Variants in NDUFAF2 observed in about 807,000 individuals in gnomAD.
NDUFAF2 encodes the protein NADH dehydrogenase [ubiquinone] 1 alpha subcomplex assembly factor 2.
A neutral mutation model predicts 22.8 loss-of-function variants in NDUFAF2; 13 were observed. The observed-to-expected ratio is 0.57, with a 90% CI of 0.37 to 0.91. The LOEUF (loss-of-function observed/expected upper bound fraction) is 0.91. Ranked by LOEUF, NDUFAF2 falls within the 40% of genes least tolerant of loss-of-function variation. NDUFAF2 has a pLI of 0.01. For missense variants in NDUFAF2, 162 were observed against 195.2 expected (o/e 0.83, Z 1.01); for synonymous variants, 53 against 64.2 (o/e 0.83, Z 0.84).
At chr5:61,035,786 A>G (rs1751793146) in intron 1 of NDUFAF2, among the ~76,000 whole-genome samples, 1 of 152,042 alleles carries the variant, frequency 6.6e-6, no homozygotes. Context: ...ATAATAAATT[A>G]TTAAGATATT....
At chr5:61,044,012 A>G (rs1214730758) in intron 1 of NDUFAF2, among the ~76,000 whole-genome samples, 1 of 152,036 alleles carries the variant, frequency 6.6e-6, no homozygotes, top group Non-Finnish European at 1.5e-5. Context: ...CCTTGCCAAC[A>G]CTTGTTATCT....
At chr5:61,140,323 C>G (rs554075361) in intron 3 of NDUFAF2, among the ~76,000 whole-genome samples, 9 of 152,322 alleles carry the variant, frequency 5.9e-5, no homozygotes, top group African/African-American at 1.9e-4. Flanking sequence ...TGTCTTGGTT[C>G]CTGCCCTAAT....
At chr5:61,097,836 C>T (rs561605721) in intron 2 of NDUFAF2, among the ~76,000 whole-genome samples, 8 of 152,112 alleles carry the variant, frequency 5.3e-5, no homozygotes, top group Admixed American at 6.5e-5. Context: ...GTTTTTAGAG[C>T]CAGAGACAGG....
At position 61,107,844 on chromosome 5, in the gene NDUFAF2, G is replaced by A. The variant is rs1159257537; in HGVS notation, c.258+8812G>A. ...CCCCCACCCCACAACAGTCCCCAGAGTGTGATGTTGCCCTTCCTGTGTCTA... is the reference window on the plus strand; with the variant it reads ...CCCCCACCCCACAACAGTCCCCAGAATGTGATGTTGCCCTTCCTGTGTCTA... On this transcript the variant is annotated intron_variant, in intron 3 of 3. Transcript: ENST00000296597. Among the ~76,000 whole-genome samples, 6 of 123,088 alleles carry A rather than the reference G, an allele frequency of 4.9e-5. No individual in the cohort carries two copies. In the Admixed American group the frequency reaches 5.3e-4, roughly 11 times the overall value. The allele number at this position is 123,088 out of a possible 152,430, so 80.8% of individuals were successfully genotyped here.
At chr5:61,014,786 T>C (rs552859250) in intron 1 of NDUFAF2, among the ~76,000 whole-genome samples, 2 of 152,326 alleles carry the variant, frequency 1.3e-5, no homozygotes, top group South Asian at 4.1e-4. Flanking sequence ...GAGTAGGCCA[T>C]TCTAACATTT....
At chr5:61,082,292 C>T (rs1752452881) in intron 2 of NDUFAF2, among the ~76,000 whole-genome samples, 1 of 152,142 alleles carries the variant, frequency 6.6e-6, no homozygotes, top group Non-Finnish European at 1.5e-5. Flanking sequence ...AGATGGGGAT[C>T]TTGCTCTGTG....
intron 1 of NDUFAF2, among the ~76,000 whole-genome samples, chr5:60,981,095 A>G (rs900802142): frequency 6.6e-6 from 1 of 152,202 alleles, no homozygotes; most frequent in Non-Finnish European, 1.5e-5. Context: ...TTATACAACA[A>G]CTAAGCAGGT....
At chr5:61,040,292 G>GCA (rs1751860521) in intron 1 of NDUFAF2, among the ~76,000 whole-genome samples, 2 of 93,706 alleles carry the variant, frequency 2.1e-5, no homozygotes, top group South Asian at 2.7e-4. Context: ...ACACACGCGC[G>GCA]CGCGCGCGCG....
intron 1 of NDUFAF2, among the ~76,000 whole-genome samples, chr5:61,006,106 A>G (rs1317608274): frequency 6.6e-6 from 1 of 152,122 alleles, no homozygotes. Context: ...TCCATCTTGA[A>G]TTAATTTTTG....
At position 60,966,073 on chromosome 5, in the gene NDUFAF2, G is replaced by A. The variant is rs373601824; in HGVS notation, c.127+20691G>A. The stretch of plus-strand genomic sequence containing the variant: ...TGATACTAGCCATTCGAATAGGTGC[G>A]AAGGTATGTCTTGTTGTGGTTTTAA... On this transcript the variant is annotated intron_variant, in intron 1 of 3. Coordinates refer to ENST00000296597, the MANE Select transcript of NDUFAF2 (RefSeq NM_174889.5). Among the ~76,000 whole-genome samples the A allele has an allele frequency of 1.6e-3, 239 of 152,170 alleles. 1 individual carries two copies. Among genetic ancestry groups the A allele is most frequent in the African/African-American group, 5.5e-3 (228 of 41,532 alleles).
chr5:60,993,282 C>T (rs1226241191), intron 1 of NDUFAF2, among the ~76,000 whole-genome samples: 7 of 152,224 alleles, frequency 4.6e-5, no homozygotes, highest in Admixed American at 3.9e-4. Context: ...CTCCAGGAAC[C>T]TCAGGCCCCA....
At chr5:60,950,471 C>T (rs1750529338) in intron 1 of NDUFAF2, among the ~76,000 whole-genome samples, 2 of 152,104 alleles carry the variant, frequency 1.3e-5, no homozygotes, top group South Asian at 4.1e-4. Context: ...AGGCATGAGC[C>T]ACCACGCCTG....
intron 1 of NDUFAF2, among the ~76,000 whole-genome samples, chr5:60,977,625 C>T (rs1750919378): frequency 6.6e-6 from 1 of 151,862 alleles, no homozygotes; most frequent in South Asian, 2.1e-4. Flanking sequence ...CACCTGAGGC[C>T]AGGAGTTAAA....
At chr5:61,133,757 A>G (rs1201140353) in intron 3 of NDUFAF2, among the ~76,000 whole-genome samples, 1 of 152,226 alleles carries the variant, frequency 6.6e-6, no homozygotes, top group East Asian at 1.9e-4. Context: ...GTAAACACAG[A>G]CAGAGCCACA....
chr5:60,961,873 A>G (rs1023653895), intron 1 of NDUFAF2, among the ~76,000 whole-genome samples: 1 of 151,838 alleles, frequency 6.6e-6, no homozygotes, highest in Non-Finnish European at 1.5e-5. Flanking sequence ...TGGTAGCAGG[A>G]TCGCTTGAGC....
intron 3 of NDUFAF2, among the ~76,000 whole-genome samples, chr5:61,113,624 G>T (rs887836114): frequency 1.3e-5 from 2 of 152,036 alleles, no homozygotes; most frequent in Non-Finnish European, 2.9e-5. Context: ...TCCTCCTTTT[G>T]CTTGTCACTT....
intron 3 of NDUFAF2, among the ~76,000 whole-genome samples, chr5:61,101,236 G>A (rs1752702012): frequency 6.6e-6 from 1 of 152,068 alleles, no homozygotes; most frequent in Admixed American, 6.6e-5. Flanking sequence ...CCCAGGTCAA[G>A]AAACACAACT....
At chr5:60,969,616 G>C (rs1324121261) in intron 1 of NDUFAF2, among the ~76,000 whole-genome samples, 1 of 152,030 alleles carries the variant, frequency 6.6e-6, no homozygotes, top group East Asian at 1.9e-4. Flanking sequence ...CTATATTCTG[G>C]TTATTAATCC....
At chr5:60,993,157 G>A (rs2112586319) in intron 1 of NDUFAF2, among the ~76,000 whole-genome samples, 1 of 152,374 alleles carries the variant, frequency 6.6e-6, no homozygotes, top group Admixed American at 6.5e-5. Flanking sequence ...AGCAGGGCGG[G>A]CAGCTCCAGG....
Sources: gnomAD v4.1 joint callset for allele counts (sites outside exome capture counted in the v4.1 genomes callset) on GRCh38, gnomAD v4.1.1 for gene constraint, MANE v1.5 for transcripts, NCBI Gene and HGNC (gene_info 2026-07-23, HGNC 2026-07-21) for gene names.